Variants in ZFAT observed in about 807,000 individuals in gnomAD.
ZFAT encodes the protein zinc finger protein ZFAT.
In ZFAT, 64 loss-of-function variants were observed where a neutral mutation model predicts 117.7. The ratio of observed to expected loss-of-function variants is 0.54; its 90% confidence interval spans 0.44 to 0.67. ZFAT has a LOEUF of 0.67. ZFAT is among the 30% of genes least tolerant of loss of function. ZFAT has a pLI of 0.00. For synonymous variants in ZFAT, 679 were observed against 615.0 expected (o/e 1.10, Z -1.54); for missense variants, 1,433 against 1,584.5 (o/e 0.90, Z 1.62).
intron 15 of ZFAT, among the ~76,000 whole-genome samples, chr8:134,482,803 G>A (rs1321451356): frequency 1.3e-5 from 2 of 152,218 alleles, no homozygotes; most frequent in Non-Finnish European, 2.9e-5. Context: ...CGAAGAGCAG[G>A]CTTCCTGGTG....
At chr8:134,531,951 A>G (rs1236288103) in intron 12 of ZFAT, among the ~76,000 whole-genome samples, 1 of 152,240 alleles carries the variant, frequency 6.6e-6, no homozygotes, top group Non-Finnish European at 1.5e-5. Context: ...CTGGGGGCAG[A>G]TTTCTAAATC....
chr8:134,717,315 A>G (rs1563784227), upstream of ZFAT, among the ~76,000 whole-genome samples: 1 of 151,338 alleles, frequency 6.6e-6, no homozygotes, highest in Non-Finnish European at 1.5e-5. Flanking sequence ...GCTGCCACCA[A>G]GAACCCACCA....
chr8:134,792,664 T>C, the ZFAT span: 2 of 152,228 alleles, frequency 1.3e-5, no homozygotes, highest in East Asian at 3.8e-4. Flanking sequence ...GTAGTTTGTA[T>C]GAATATTTCA....
the ZFAT span, chr8:134,784,412 AAT>A: frequency 1.3e-5 from 2 of 152,186 alleles, no homozygotes; most frequent in African/African-American, 4.8e-5. Context: ...AAATATATAA[AAT>A]ATGCGATTCT....
chr8:134,486,199 C>T (rs555647483), intron 15 of ZFAT, among the ~76,000 whole-genome samples: 6 of 152,338 alleles, frequency 3.9e-5, no homozygotes, highest in African/African-American at 1.2e-4. Context: ...AACAAAGCTG[C>T]CGCCAACGCA....
intron 12 of ZFAT, 30 bp from the exon 13 acceptor site, chr8:134,521,031 AAT>A (rs1334202714): frequency 6.4e-7 from 1 of 1,556,328 alleles, no homozygotes; most frequent in African/African-American, 1.4e-5. Context: ...TTAAAAAAAA[AAT>A]GTGTTCGTAA....
At chr8:134,759,603 G>C in the ZFAT span, among the ~76,000 whole-genome samples, 1 of 120,538 alleles carries the variant, frequency 8.3e-6, no homozygotes, top group Non-Finnish European at 1.8e-5. Context: ...TATTCATTTA[G>C]GAAAAAAAAA....
At chr8:134,566,443 T>C (rs1373665738) in intron 10 of ZFAT, among the ~76,000 whole-genome samples, 1 of 134,330 alleles carries the variant, frequency 7.4e-6, no homozygotes, top group African/African-American at 2.7e-5. Flanking sequence ...AAACATTCAA[T>C]AATGGGATAT....
At chr8:134,663,302 TC>T (rs1832035057) in intron 1 of ZFAT, among the ~76,000 whole-genome samples, 1 of 152,164 alleles carries the variant, frequency 6.6e-6, no homozygotes, top group South Asian at 2.1e-4. Flanking sequence ...AGGGAAACGC[TC>T]CTAATGAACA....
chr8:134,771,399 C>T, the ZFAT span, among the ~76,000 whole-genome samples: 3 of 152,194 alleles, frequency 2.0e-5, no homozygotes, highest in Non-Finnish European at 2.9e-5. Flanking sequence ...TTTCTTCTAT[C>T]AGATACCCTA....
chr8:134,694,144 G>T (rs1025180781), intron 1 of ZFAT, among the ~76,000 whole-genome samples: 1 of 152,174 alleles, frequency 6.6e-6, no homozygotes, highest in Non-Finnish European at 1.5e-5. Context: ...GCTGGAACGC[G>T]GGGCGCAGCT....
At chr8:134,596,245 T>C (rs1311724983) in intron 7 of ZFAT, among the ~76,000 whole-genome samples, 2 of 152,106 alleles carry the variant, frequency 1.3e-5, no homozygotes, top group African/African-American at 4.8e-5. Context: ...ATTGCCACCA[T>C]CCAGAGAAAG....
chr8:134,788,288 A>C, the ZFAT span, among the ~76,000 whole-genome samples: 1 of 152,134 alleles, frequency 6.6e-6, no homozygotes, highest in African/African-American at 2.4e-5. Context: ...TCCTCCACGC[A>C]CTGCTTCAGC....
chr8:134,657,145 G>T (rs1162461215), intron 2 of ZFAT, among the ~76,000 whole-genome samples: 1 of 152,132 alleles, frequency 6.6e-6, no homozygotes, highest in Non-Finnish European at 1.5e-5. Flanking sequence ...GGTCCTGTAG[G>T]CATATTCTTT....
At chr8:134,679,665 T>C (rs1808115464) in intron 1 of ZFAT, among the ~76,000 whole-genome samples, 1 of 152,132 alleles carries the variant, frequency 6.6e-6, no homozygotes, top group Non-Finnish European at 1.5e-5. Context: ...CTGTTCACAA[T>C]AGCAAAGACT....
chr8:134,728,394 C>A, the ZFAT span, among the ~76,000 whole-genome samples: 1 of 151,974 alleles, frequency 6.6e-6, no homozygotes, highest in African/African-American at 2.4e-5. Flanking sequence ...GTCTGTGAGG[C>A]CCTGCTTTGT....
At chr8:134,736,120 C>G in the ZFAT span, among the ~76,000 whole-genome samples, 1 of 152,072 alleles carries the variant, frequency 6.6e-6, no homozygotes, top group Non-Finnish European at 1.5e-5. Context: ...GAACTGAAGT[C>G]CATCAACAGC....
chr8:134,535,416 T>C (rs1298492403), intron 11 of ZFAT, among the ~76,000 whole-genome samples: 1 of 151,998 alleles, frequency 6.6e-6, no homozygotes, highest in Non-Finnish European at 1.5e-5. Context: ...TCTTTCTTAC[T>C]ATTCAACTGA....
chr8:134,538,505 A>G (rs988071726), intron 11 of ZFAT, among the ~76,000 whole-genome samples: 1 of 152,170 alleles, frequency 6.6e-6, no homozygotes, highest in African/African-American at 2.4e-5. Context: ...TCTTTCTCAA[A>G]AGGTATATTG....
Sources: gnomAD v4.1 joint callset for allele counts (sites outside exome capture counted in the v4.1 genomes callset) on GRCh38, gnomAD v4.1.1 for gene constraint, MANE v1.5 for transcripts, NCBI Gene and HGNC (gene_info 2026-07-23, HGNC 2026-07-21) for gene names.